Variants in VARS1 observed in about 807,000 individuals in gnomAD.
The protein encoded by VARS1 is valyl-tRNA synthetase 1, also known as valine--tRNA ligase.
A neutral mutation model predicts 161.0 loss-of-function variants in VARS1; 92 were observed. The observed-to-expected ratio is 0.57, with a 90% CI of 0.48 to 0.68. The LOEUF is 0.68. Ranked by LOEUF, VARS1 falls within the 30% of genes least tolerant of loss-of-function variation. The pLI is 0.00. For missense variants in VARS1, 1,338 were observed against 1,695.9 expected, an observed-to-expected ratio of 0.79 and a Z score of 3.71; for synonymous variants, 595 against 682.5, an observed-to-expected ratio of 0.87 and a Z score of 2.00.
Position 31,782,918 on chromosome 6 carries a change from G to A in VARS1, c.1763-73C>T. On this transcript the variant is annotated intron_variant, in intron 14 of 29. Coordinates refer to ENST00000375663, the MANE Select transcript of VARS1 (RefSeq NM_006295.3). This position sits in a 1 kb window ranked among gnomAD's most constrained non-coding sequence, Gnocchi z 8.3. ...CCTTCCTACACTCACCTCTTTTGCT[G>A]AAGGATGTAGCTCCGAGACCACTCC... 1 of 1,561,614 alleles carries A rather than the reference G, an allele frequency of 6.4e-7. No individual in the cohort carries two copies. Among genetic ancestry groups the A allele is most frequent in the Non-Finnish European group, 8.7e-7 (1 of 1,153,472 alleles).
At position 31,782,066 on chromosome 6, in the gene VARS1, T is replaced by C; in HGVS notation, c.2241+21A>G. 6.2e-7 allele frequency: 1 copy of C among 1,612,738 alleles called. No homozygotes were observed. The highest frequency in any genetic ancestry group is 8.5e-7 in the Non-Finnish European group (1 of 1,179,230). On this transcript the variant is annotated intron_variant, in intron 18 of 29. Transcript: ENST00000375663. This position sits in a 1 kb window ranked among gnomAD's most constrained non-coding sequence, Gnocchi z 8.3. ...CACTCCAGCAGGGTGTCCCAGCAGC[T>C]AGCTCTGGCCCTCTGCTCACCTCCC...
chr6:31,793,726 C>T lies in VARS1; in HGVS notation c.388-606G>A, dbSNP rs950308777. Among the ~76,000 whole-genome samples, 14 of 152,132 alleles carry T rather than the reference C, an allele frequency of 9.2e-5. 1 individual carries two copies. In the East Asian group the frequency reaches 1.3e-3, roughly 15 times the overall value. On this transcript the variant is annotated intron_variant, in intron 2 of 29. Transcript: ENST00000375663. ...ACCCTGACCTGGTAGAGTTAACATT[C>T]TTGTAGGGGAACAACAAATGAGCAA... is the stretch of plus-strand genomic sequence containing the variant.
intron 8 of VARS1, among the ~76,000 whole-genome samples, chr6:31,790,325 G>C (rs1053070285): frequency 6.6e-6 from 1 of 151,866 alleles, no homozygotes; most frequent in Non-Finnish European, 1.5e-5. Flanking sequence ...CTCCAGGCCG[G>C]GAGCAGTGGC....
chr6:31,785,460 C>A lies in VARS1; in HGVS notation c.1265+109G>T. On this transcript the variant is annotated intron_variant, in intron 9 of 29. Coordinates refer to ENST00000375663, the MANE Select transcript of VARS1 (RefSeq NM_006295.3). This position sits in a 1 kb window ranked among gnomAD's most constrained non-coding sequence, Gnocchi z 6.1. ...GCCCTAGAGCCAACTGACTCTGCCT[C>A]TGTGGGAGGGTCTGACCCTGTGGCC... 1 of 1,526,818 alleles carries A rather than the reference C, an allele frequency of 6.5e-7. No individual in the cohort carries two copies. The highest frequency in any genetic ancestry group is 2.4e-5 in the East Asian group (1 of 41,852). The allele number at this position is 1,526,818 out of a possible 1,614,324, so 94.6% of individuals were successfully genotyped here.
Position 31,785,321 on chromosome 6 carries a change from A to G in VARS1, c.1272T>C (p.Gly424=), listed in dbSNP as rs1325349086. 5.0e-6 allele frequency: 8 copies of G among 1,612,854 alleles called. No homozygotes were observed. Among genetic ancestry groups the G allele is most frequent in the African/African-American group, 1.3e-5 (1 of 74,884 alleles). ...TCTTCAACTGGTGGTAAATCCGGTC[A>G]CCTTTCCTGGAAGCAGACAGGCTGA... The part of the protein sequence containing the change: ...QEVWKWKEEK[G]DRIYHQLKKL... The change falls in exon 10 of 30, where the codon GGT becomes GGC. Residue 424 remains glycine (G), a synonymous_variant. Transcript: ENST00000375663. The surrounding 1 kb of genome is among the most constrained non-coding windows in gnomAD (Gnocchi z 6.1).
rs559372351 is a variant in VARS1, at chr6:31,779,355, C to T, written c.3401-63G>A. The T allele has an allele frequency of 3.1e-5, 50 of 1,601,904 alleles. No individual in the cohort carries two copies. The highest frequency in any genetic ancestry group is 4.2e-5 in the Non-Finnish European group (50 of 1,178,560). ...GAGACAGGAAACCAAGCAGTCACTG[C>T]CGGACACTGGGTCCCAGAGTAGGCT... On this transcript the variant is annotated intron_variant, in intron 28 of 29. Coordinates refer to ENST00000375663, the MANE Select transcript of VARS1 (RefSeq NM_006295.3). This position sits in a 1 kb window ranked among gnomAD's most constrained non-coding sequence, Gnocchi z 9.1.
Position 31,785,244 on chromosome 6 carries a change from A to T in VARS1, c.1347+2T>A. ...CCCAGCTTTGACACTCCTCCCACGC[A>T]CAGGGTCCATGGTGAAACAGGCTCG... On this transcript the variant is annotated splice_donor_variant, in intron 10 of 29. Transcript: ENST00000375663. LOFTEE classifies it high-confidence loss of function. This position sits in a 1 kb window ranked among gnomAD's most constrained non-coding sequence, Gnocchi z 6.1. The T allele has an allele frequency of 6.2e-7, 1 of 1,613,076 alleles. No individual in the cohort carries two copies. Among genetic ancestry groups the T allele is most frequent in the East Asian group, 2.2e-5 (1 of 44,878 alleles).
At position 31,785,609 on chromosome 6, in the gene VARS1, G is replaced by A. The variant is rs756138017; in HGVS notation, c.1225C>T (p.Arg409Cys). The change falls in exon 9 of 30, where the codon CGC (arginine) becomes TGC (cysteine). Residue 409 changes from arginine to cysteine, a missense_variant. Physicochemically the swap from Arg to Cys is radical, Grantham distance 180. This residue lies in a region of VARS1 where 902 missense variants were observed against 1,090.3 expected (regional missense o/e 0.83). Transcript: ENST00000375663. This position sits in a 1 kb window ranked among gnomAD's most constrained non-coding sequence, Gnocchi z 6.1. ...EQGLSRHQLG[R>C]EAFLQEVWKW... Reference sequence around the variant, plus strand: ...CAGACTTCCTGTAGAAAGGCCTCGCGGCCCAGCTGGTGCCGGCTCAGTCCC... The same window carrying A: ...CAGACTTCCTGTAGAAAGGCCTCGCAGCCCAGCTGGTGCCGGCTCAGTCCC... 33 of 1,612,492 alleles carry A rather than the reference G, an allele frequency of 2.0e-5. No individual in the cohort carries two copies. Among genetic ancestry groups the A allele is most frequent in the Non-Finnish European group, 1.5e-5 (18 of 1,179,872 alleles).
chr6:31,788,534 C>T (rs540986518), intron 8 of VARS1, among the ~76,000 whole-genome samples: 5 of 147,200 alleles, frequency 3.4e-5, no homozygotes, highest in South Asian at 2.2e-4. Context: ...AGGCCAGGCG[C>T]GGTGGGTCAC....
At position 31,778,832 on chromosome 6, in the gene VARS1, G is replaced by A; in HGVS notation, c.3726+135C>T. ...GTTTTGTTTTTTAAGGCTAGTGGGAGTGGAGAAGGAACAAAGAAATCTGTA... is the reference window on the plus strand; with the variant it reads ...GTTTTGTTTTTTAAGGCTAGTGGGAATGGAGAAGGAACAAAGAAATCTGTA... On this transcript the variant is annotated intron_variant, in intron 29 of 29. Transcript: ENST00000375663. This position sits in a 1 kb window ranked among gnomAD's most constrained non-coding sequence, Gnocchi z 5.1. 1 of 1,216,668 alleles carries A rather than the reference G, an allele frequency of 8.2e-7. No individual in the cohort carries two copies. The highest frequency in any genetic ancestry group is 1.1e-6 in the Non-Finnish European group (1 of 870,812). 75.4% of individuals were successfully genotyped at this position (1,216,668 alleles called of 1,614,324 possible). A position where few individuals can be genotyped will look rare whatever the true frequency, so the allele number is the denominator to read the frequency against.
intron 8 of VARS1, among the ~76,000 whole-genome samples, chr6:31,787,312 G>A (rs997401205): frequency 3.3e-5 from 5 of 151,678 alleles, no homozygotes; most frequent in Admixed American, 2.0e-4. Context: ...TTTAAACCAC[G>A]TTCACTGGAA....
Position 31,784,169 on chromosome 6 carries a change from C to G in VARS1, c.1671+45G>C. The G allele has an allele frequency of 6.2e-7, 1 of 1,610,578 alleles. No homozygotes were observed. Among genetic ancestry groups the G allele is most frequent in the South Asian group, 1.1e-5 (1 of 90,860 alleles). ...CCCTCCACCCCATAAGGATGGGAGC[C>G]CTTTTTGGCCAGAACTCCTTCCCTA... On this transcript the variant is annotated intron_variant, in intron 13 of 29. Coordinates refer to ENST00000375663, the MANE Select transcript of VARS1 (RefSeq NM_006295.3). This position sits in a 1 kb window ranked among gnomAD's most constrained non-coding sequence, Gnocchi z 6.1.
chr6:31,794,805 C>T, intron 2 of VARS1, 26 bp downstream of exon 2: 7 of 1,525,800 alleles, frequency 4.6e-6, no homozygotes, highest in Non-Finnish European at 6.2e-6. Context: ...TTTCTCCCCT[C>T]CCCCTCTTCT....
chr6:31,781,464 C>A lies in VARS1; in HGVS notation c.2544+17G>T, dbSNP rs1813138770. ...AGGAGGCTGGGGGCGATGGGAGGGT[C>A]TCGGCTGTCTCCGCACCTCTCTAAA... On this transcript the variant is annotated intron_variant, in intron 21 of 29. Coordinates refer to ENST00000375663, the MANE Select transcript of VARS1 (RefSeq NM_006295.3). The surrounding 1 kb of genome is among the most constrained non-coding windows in gnomAD (Gnocchi z 6.8). The A allele has an allele frequency of 6.2e-7, 1 of 1,610,056 alleles. No homozygotes were observed. The highest frequency in any genetic ancestry group is 8.5e-7 in the Non-Finnish European group (1 of 1,179,376).
At position 31,781,251 on chromosome 6, in the gene VARS1, C is replaced by T. The variant is rs1562296058; in HGVS notation, c.2545-128G>A. The T allele has an allele frequency of 3.3e-6, 4 of 1,216,636 alleles. No individual in the cohort carries two copies. Among genetic ancestry groups the T allele is most frequent in the South Asian group, 2.6e-5 (2 of 75,474 alleles). The allele number at this position is 1,216,636 out of a possible 1,614,324, so 75.4% of individuals were successfully genotyped here. On this transcript the variant is annotated intron_variant, in intron 21 of 29. Coordinates refer to ENST00000375663, the MANE Select transcript of VARS1 (RefSeq NM_006295.3). This position sits in a 1 kb window ranked among gnomAD's most constrained non-coding sequence, Gnocchi z 6.8. ...GTCCCACTGAGTGTCCCCAAGAGCTCGTTGAGCGCCTTTATGTGAATCAGA... is the reference window on the plus strand; with the variant it reads ...GTCCCACTGAGTGTCCCCAAGAGCTTGTTGAGCGCCTTTATGTGAATCAGA...
intron 8 of VARS1, among the ~76,000 whole-genome samples, chr6:31,786,242 A>C (rs1390247345): frequency 6.6e-6 from 1 of 152,180 alleles, no homozygotes; most frequent in Non-Finnish European, 1.5e-5. Flanking sequence ...CCTGGGTGAC[A>C]GAGTGAGACT....
chr6:31,788,207 T>C (rs1164795285), intron 8 of VARS1, among the ~76,000 whole-genome samples: 2 of 152,070 alleles, frequency 1.3e-5, no homozygotes, highest in Non-Finnish European at 2.9e-5. Flanking sequence ...TATGTGTATT[T>C]AACAGAACTG....
In VARS1 at chr6:31,791,749, G is replaced by A. The variant is rs746688543; in HGVS notation, c.973-12C>T. On this transcript the variant is annotated splice_polypyrimidine_tract_variant and intron_variant, in intron 7 of 29. Coordinates refer to ENST00000375663, the MANE Select transcript of VARS1 (RefSeq NM_006295.3). The surrounding 1 kb of genome is among the most constrained non-coding windows in gnomAD (Gnocchi z 5.0). The stretch of plus-strand genomic sequence containing the variant: ...GACACATTAGGACGCTGATGGTGGA[G>A]AAGGATGGCACATGTTTAAGGCCTC... 2.9e-5 allele frequency: 46 copies of A among 1,612,970 alleles called. No homozygotes were observed. Among genetic ancestry groups the A allele is most frequent in the Admixed American group, 1.3e-4 (8 of 59,992 alleles).
At position 31,785,379 on chromosome 6, in the gene VARS1, A is replaced by G. The variant is rs1300612517; in HGVS notation, c.1266-52T>C. ...ACTCGTGCCTGGGCTAGAGGGAGAC[A>G]TCAGGTGGCTGACTGGGCAGTGTGG... On this transcript the variant is annotated intron_variant, in intron 9 of 29. Transcript: ENST00000375663. This position sits in a 1 kb window ranked among gnomAD's most constrained non-coding sequence, Gnocchi z 6.1. 1 of 1,607,928 alleles carries G rather than the reference A, an allele frequency of 6.2e-7. No individual in the cohort carries two copies.
Sources: allele counts gnomAD v4.1 joint callset (sites outside exome capture counted in the v4.1 genomes callset), GRCh38; gene constraint gnomAD v4.1.1; regional missense constraint gnomAD v4.1.1; non-coding constraint Gnocchi (gnomAD v3.1); transcripts MANE v1.5; gene names NCBI Gene and HGNC (gene_info 2026-07-23, HGNC 2026-07-21).